Variants in NDUFA8 observed in about 807,000 individuals in gnomAD.
The protein encoded by NDUFA8 is NADH dehydrogenase [ubiquinone] 1 alpha subcomplex subunit 8.
Under a neutral mutation model 20.9 loss-of-function variants are expected in NDUFA8, and 16 were observed. The observed-to-expected ratio is 0.77, with a 90% CI of 0.52 to 1.16. NDUFA8 has a LOEUF of 1.16. NDUFA8 is among the 50% of genes most tolerant of loss of function. The pLI, the probability that NDUFA8 is intolerant of heterozygous loss-of-function variation, is 0.00. For synonymous variants in NDUFA8, 70 were observed against 76.1 expected (o/e 0.92, Z 0.41); for missense variants, 202 against 216.4 (o/e 0.93, Z 0.42).
intron 3 of NDUFA8, 53 bp downstream of exon 3, chr9:122,148,059 C>CTT (rs1222897060): frequency 1.9e-5 from 31 of 1,611,156 alleles, no homozygotes; most frequent in Non-Finnish European, 2.5e-5. Flanking sequence ...CACCTCCTGC[C>CTT]TTTATCCCAC....
chr9:122,154,813 T>C (rs1466245565), intron 1 of NDUFA8, among the ~76,000 whole-genome samples: 2 of 152,224 alleles, frequency 1.3e-5, no homozygotes, highest in South Asian at 4.1e-4. Context: ...TGTTTGGATA[T>C]TCCTTGTTAA....
intron 1 of NDUFA8, among the ~76,000 whole-genome samples, chr9:122,156,490 AAAT>A (rs752361092): frequency 5.3e-5 from 8 of 152,328 alleles, no homozygotes; most frequent in Admixed American, 1.3e-4. Context: ...ATATATATAA[AAAT>A]AATAAGAACA....
chr9:122,137,238 C>CTT, the NDUFA8 span, among the ~76,000 whole-genome samples: 2,096 of 106,506 alleles, frequency 0.02, 255 homozygotes, highest in African/African-American at 0.07. Context: ...TTTTCCTTTC[C>CTT]TTTTTTTTTT....
At chr9:122,150,760 A>C (rs751845008) in intron 2 of NDUFA8, among the ~76,000 whole-genome samples, 6 of 152,078 alleles carry the variant, frequency 3.9e-5, no homozygotes, top group Non-Finnish European at 5.9e-5. Flanking sequence ...ACTTGAGGTC[A>C]GGAGTTCAAG....
chr9:122,146,157 CA>C (rs994842367), intron 3 of NDUFA8, among the ~76,000 whole-genome samples: 2 of 151,402 alleles, frequency 1.3e-5, no homozygotes, highest in Non-Finnish European at 2.9e-5. Context: ...AAAAGAAAAA[CA>C]AAAAAAATGT....
chr9:122,157,863 T>C (rs1285016847), intron 1 of NDUFA8, among the ~76,000 whole-genome samples: 5 of 152,212 alleles, frequency 3.3e-5, no homozygotes, highest in Admixed American at 3.3e-4. Flanking sequence ...GGTAGAAGAC[T>C]TAACATACGG....
intron 2 of NDUFA8, 62 bp from the exon 3 acceptor site, chr9:122,148,339 GA>G: frequency 1.3e-6 from 2 of 1,568,920 alleles, no homozygotes; most frequent in African/African-American, 1.3e-5. Context: ...AGAAAAGTGA[GA>G]AAAAAATAGG....
the NDUFA8 span, among the ~76,000 whole-genome samples, chr9:122,133,758 G>C: frequency 6.6e-6 from 1 of 152,244 alleles, no homozygotes; most frequent in Non-Finnish European, 1.5e-5. Context: ...CAGGGCGAGC[G>C]CGTGAGGTGG....
At chr9:122,136,085 G>A in the NDUFA8 span, among the ~76,000 whole-genome samples, 1 of 152,088 alleles carries the variant, frequency 6.6e-6, no homozygotes, top group Non-Finnish European at 1.5e-5. Flanking sequence ...ACAGCTGTTC[G>A]GGATCACATT....
In NDUFA8 at chr9:122,159,724, C is replaced by T; in HGVS notation, c.-47G>A. 1 of 1,613,626 alleles carries T rather than the reference C, an allele frequency of 6.2e-7. No individual in the cohort carries two copies. The highest frequency in any genetic ancestry group is 8.5e-7 in the Non-Finnish European group (1 of 1,179,768). ...GACGAGAAGCCCTCAGCCGCGTCGC[C>T]CCCGTCTCCTTGAACTCCCCTTTCG... On this transcript the variant is annotated 5_prime_UTR_variant, in exon 1 of 4. Transcript: ENST00000373768.
downstream of NDUFA8, among the ~76,000 whole-genome samples, chr9:122,141,418 GAT>G (rs1430665315): frequency 6.6e-6 from 1 of 152,158 alleles, no homozygotes; most frequent in Non-Finnish European, 1.5e-5. Flanking sequence ...GTGACAGTGA[GAT>G]AAAACAGGAA....
the NDUFA8 span, among the ~76,000 whole-genome samples, chr9:122,134,826 C>T: frequency 6.6e-6 from 1 of 152,164 alleles, no homozygotes; most frequent in African/African-American, 2.4e-5. Context: ...TGAGTTAGTT[C>T]AGTCCTCTGA....
intron 3 of NDUFA8, among the ~76,000 whole-genome samples, chr9:122,144,956 T>C (rs1828880346): frequency 6.6e-6 from 1 of 152,190 alleles, no homozygotes. Context: ...CAAGAACTTA[T>C]TGCTAGAAAT....
At chr9:122,159,546 G>A in intron 1 of NDUFA8, 81 bp downstream of exon 1, 2 of 1,563,848 alleles carry the variant, frequency 1.3e-6, no homozygotes, top group Non-Finnish European at 1.8e-6. Flanking sequence ...CCCAGGATCC[G>A]CGGAGCCCAA....
chr9:122,133,474 A>G, the NDUFA8 span, among the ~76,000 whole-genome samples: 9 of 152,194 alleles, frequency 5.9e-5, no homozygotes, highest in Admixed American at 3.9e-4. Context: ...CCTAGAATTA[A>G]AGGTGCAATC....
downstream of NDUFA8, among the ~76,000 whole-genome samples, chr9:122,143,328 C>A (rs1450734924): frequency 1.3e-5 from 2 of 151,998 alleles, no homozygotes; most frequent in Non-Finnish European, 2.9e-5. Context: ...ATAAAATGAC[C>A]CAGTCAGATG....
downstream of NDUFA8, among the ~76,000 whole-genome samples, chr9:122,141,565 T>C (rs1318454606): frequency 1.3e-5 from 2 of 152,176 alleles, no homozygotes; most frequent in African/African-American, 4.8e-5. Flanking sequence ...TTAACTCAGA[T>C]AGGGAAGACA....
intron 3 of NDUFA8, among the ~76,000 whole-genome samples, chr9:122,147,815 A>C (rs1444036505): frequency 6.6e-6 from 1 of 151,950 alleles, no homozygotes; most frequent in Non-Finnish European, 1.5e-5. Context: ...TTTAGTAGAG[A>C]CGGGGTTTTA....
the NDUFA8 span, among the ~76,000 whole-genome samples, chr9:122,134,688 C>A: frequency 6.6e-6 from 1 of 152,162 alleles, no homozygotes; most frequent in Non-Finnish European, 1.5e-5. Context: ...GTGAGGGAGT[C>A]AGAAGTCTAG....
Sources: allele counts gnomAD v4.1 joint callset (sites outside exome capture counted in the v4.1 genomes callset), GRCh38; gene constraint gnomAD v4.1.1; transcripts MANE v1.5; gene names NCBI Gene and HGNC (gene_info 2026-07-23, HGNC 2026-07-21).